The following FGF13 variants were observed in gnomAD, a reference collection of about 807,000 sequenced individuals.
FGF13 encodes fibroblast growth factor homologous factor 2.
A neutral mutation model predicts 19.5 loss-of-function variants in FGF13; 2 were observed. The ratio of observed to expected loss-of-function variants is 0.10; its 90% CI spans 0.04 to 0.32. The LOEUF is 0.32. Ranked by LOEUF, FGF13 falls within the 10% of genes least tolerant of loss-of-function variation. The pLI, the probability that FGF13 is intolerant of heterozygous loss-of-function variation, is 1.00. For synonymous variants in FGF13, 72 were observed against 76.9 expected (o/e 0.94, Z 0.33); for missense variants, 113 against 192.7 (o/e 0.59, Z 2.45).
chrX:139,141,951 C>T (rs1038825256), intron 1 of FGF13, among the ~76,000 whole-genome samples: 1 of 111,534 alleles, frequency 9.0e-6, no homozygotes, highest in Non-Finnish European at 1.9e-5. Context: ...TTTTGTGTGC[C>T]CTAGGACCCA....
At chrX:138,714,062 T>A (rs964956102), upstream of FGF13, 1 of 111,458 alleles carries the variant, frequency 9.0e-6, no homozygotes, top group African/African-American at 3.3e-5. Flanking sequence ...CTGTCACATG[T>A]TCCTGCCAAC....
chrX:138,711,808 CCCCCA>C, upstream of FGF13: 2 of 336,735 alleles, frequency 5.9e-6, no homozygotes, highest in Non-Finnish European at 7.6e-6. Context: ...CCCACCCCCA[CCCCCA>C]CCCCCACCCC....
At chrX:138,919,184 C>T (rs1351051074) in intron 1 of FGF13, among the ~76,000 whole-genome samples, 2 of 111,582 alleles carry the variant, frequency 1.8e-5, no homozygotes, top group Admixed American at 9.5e-5. Flanking sequence ...TAACAGGTCA[C>T]AGACAGGACA....
intron 1 of FGF13, among the ~76,000 whole-genome samples, chrX:139,164,088 GTTTTC>G (rs2084058362): frequency 1.3e-5 from 1 of 78,199 alleles, no homozygotes; most frequent in Admixed American, 1.5e-4. Context: ...TTCAGGCTGA[GTTTTC>G]TTTTTTTTTT....
At chrX:138,874,008 T>TG (rs1305265807) in intron 1 of FGF13, among the ~76,000 whole-genome samples, 650 of 2,036 alleles carry the variant, frequency 0.32, 20 homozygotes, top group African/African-American at 0.46. Context: ...TGTTGTGGGG[T>TG]GGGGGGGAGG....
chrX:139,050,233 T>A (rs1377611729), intron 1 of FGF13, among the ~76,000 whole-genome samples: 1 of 112,003 alleles, frequency 8.9e-6, no homozygotes, highest in African/African-American at 3.2e-5. Flanking sequence ...TCTTCCCCCT[T>A]AGCCTCCATC....
intron 1 of FGF13, among the ~76,000 whole-genome samples, chrX:138,935,690 T>C (rs2091727633): frequency 9.0e-6 from 1 of 111,587 alleles, no homozygotes; most frequent in African/African-American, 3.3e-5. Flanking sequence ...TCTATGAGTT[T>C]TAACACATGT....
intron 1 of FGF13, among the ~76,000 whole-genome samples, chrX:139,143,228 G>A (rs1044818227): frequency 1.8e-5 from 2 of 111,679 alleles, no homozygotes; most frequent in African/African-American, 6.5e-5. Context: ...GCTCATTTGT[G>A]TTTGGATATT....
chrX:138,895,755 T>G (rs2091501092), intron 1 of FGF13, among the ~76,000 whole-genome samples: 1 of 112,135 alleles, frequency 8.9e-6, no homozygotes, highest in Non-Finnish European at 1.9e-5. Flanking sequence ...AGTCAATGAA[T>G]GTCCATCAAT....
intron 1 of FGF13, among the ~76,000 whole-genome samples, chrX:139,199,623 G>A (rs998614230): frequency 4.5e-5 from 5 of 111,076 alleles, no homozygotes; most frequent in African/African-American, 1.6e-4. Flanking sequence ...TCTCTCCCCA[G>A]TCCTGACCCT....
chrX:138,777,113 G>T (rs1215759551), intron 3 of FGF13, among the ~76,000 whole-genome samples: 1 of 111,720 alleles, frequency 9.0e-6, no homozygotes, highest in Non-Finnish European at 1.9e-5. Context: ...GCAGATGGCA[G>T]CCCAGGTAGG....
chrX:138,991,461 C>A (rs947157974), intron 1 of FGF13, among the ~76,000 whole-genome samples: 12 of 112,072 alleles, frequency 1.1e-4, no homozygotes, highest in Non-Finnish European at 2.3e-4. Flanking sequence ...CAAGTCATTG[C>A]CCCTCTCTGG....
At chrX:138,771,508 T>C (rs767679385) in intron 3 of FGF13, among the ~76,000 whole-genome samples, 1 of 111,743 alleles carries the variant, frequency 8.9e-6, no homozygotes, top group South Asian at 3.8e-4. Flanking sequence ...TGAAGTCAAA[T>C]TTAACTGGCT....
Position 138,627,398 on chromosome X carries a change from T to TAACA in FGF13, c.*5448_*5451dup, listed in dbSNP as rs1427703204. The TAACA allele has an allele frequency of 1.8e-5, 2 of 111,574 alleles. No homozygotes were observed. Among genetic ancestry groups the TAACA allele is most frequent in the South Asian group, 3.8e-4 (1 of 2,657 alleles). 9.2% of individuals were successfully genotyped at this position (111,574 alleles called of 1,213,427 possible). On this transcript the variant is annotated 3_prime_UTR_variant, in exon 5 of 5. Coordinates refer to ENST00000315930, the MANE Select transcript of FGF13 (RefSeq NM_004114.5). ...TACAGTACAAAATATGTAGATATGC[T>TAACA]AACATGTTGTAGGGCAAACCTGGGC... is the stretch of plus-strand genomic sequence containing the variant.
chrX:138,883,367 C>T (rs1366838420), intron 1 of FGF13, among the ~76,000 whole-genome samples: 1 of 111,415 alleles, frequency 9.0e-6, no homozygotes, highest in African/African-American at 3.3e-5. Context: ...ACATGTGATC[C>T]TACCTCATAA....
intron 1 of FGF13, among the ~76,000 whole-genome samples, chrX:138,926,274 T>C (rs1381016852): frequency 8.9e-6 from 1 of 112,227 alleles, no homozygotes; most frequent in Non-Finnish European, 1.9e-5. Context: ...AATAATGCAC[T>C]ACTGTGTTTA....
chrX:138,657,805 T>C (rs1209189046), intron 3 of FGF13, among the ~76,000 whole-genome samples: 1 of 112,075 alleles, frequency 8.9e-6, no homozygotes, highest in Non-Finnish European at 1.9e-5. Flanking sequence ...CAATTCCCAG[T>C]ATGATTACTA....
chrX:138,872,019 C>T (rs1195630578), intron 1 of FGF13, among the ~76,000 whole-genome samples: 3 of 111,743 alleles, frequency 2.7e-5, no homozygotes, highest in Non-Finnish European at 5.6e-5. Context: ...AAGATGGAAG[C>T]AGGGAGACTG....
intron 1 of FGF13, among the ~76,000 whole-genome samples, chrX:139,076,147 G>A (rs764118176): frequency 4.2e-4 from 47 of 111,328 alleles, no homozygotes; most frequent in Middle Eastern, 4.6e-3. Context: ...CATGCATGAC[G>A]ATAGCCTTCC....
Sources: allele counts gnomAD v4.1 joint callset (sites outside exome capture counted in the v4.1 genomes callset), GRCh38; gene constraint gnomAD v4.1.1; transcripts MANE v1.5; gene names NCBI Gene and HGNC (gene_info 2026-07-23, HGNC 2026-07-21).